RUNX2: variants seen among roughly 807,000 people sequenced by gnomAD.
RUNX2 encodes the protein RUNX family transcription factor 2.
In RUNX2, 10 loss-of-function variants were observed where a neutral mutation model predicts 51.7. The observed-to-expected ratio is 0.19, with a 90% CI of 0.12 to 0.33. RUNX2 has a LOEUF of 0.33. Among genes scored for constraint, RUNX2 ranks in the 10% least tolerant of loss-of-function variants. RUNX2 has a pLI of 1.00. For synonymous variants in RUNX2, 276 were observed against 273.6 expected (o/e 1.01, Z -0.09); for missense variants, 562 against 691.3 (o/e 0.81, Z 2.10).
chr6:45,491,833 G>T, intron 5 of RUNX2, 108 bp from the exon 6 acceptor site: 3 of 1,097,062 alleles, frequency 2.7e-6, no homozygotes, highest in Non-Finnish European at 4.2e-6. Flanking sequence ...TATTAATATT[G>T]ATAATTCCTT....
rs186566379 is a variant in RUNX2, at chr6:45,349,485, G to A, written c.58+20701G>A. Among the ~76,000 whole-genome samples the A allele has an allele frequency of 2.6e-5, 4 of 152,260 alleles. No individual in the cohort carries two copies. In the East Asian group the frequency reaches 5.8e-4, roughly 22 times the overall value. ...GATCACCAACATCAACATCACCTGG[G>A]AATTTATTTGAAAGGCAAATTGCTG... On this transcript the variant is annotated intron_variant, in intron 2 of 8. Transcript: ENST00000647337.
chr6:45,490,155 C>A (rs1800418321), intron 5 of RUNX2, among the ~76,000 whole-genome samples: 1 of 152,188 alleles, frequency 6.6e-6, no homozygotes, highest in Non-Finnish European at 1.5e-5. Context: ...TCAGTCACTT[C>A]ATAGGTGAAC....
intron 2 of RUNX2, chr6:45,421,286 C>G (rs1798179706): frequency 6.6e-6 from 1 of 152,090 alleles, no homozygotes; most frequent in Non-Finnish European, 1.5e-5. Flanking sequence ...AACAAACAAA[C>G]AAACACCTCA....
intron 7 of RUNX2, among the ~76,000 whole-genome samples, chr6:45,536,462 G>A (rs1461172763): frequency 6.6e-6 from 1 of 152,192 alleles, no homozygotes; most frequent in Non-Finnish European, 1.5e-5. Context: ...CCTAGGTCTA[G>A]GGGCATCAGG....
chr6:45,442,813 C>T lies in RUNX2; in HGVS notation c.685+4762C>T, dbSNP rs139863024. On this transcript the variant is annotated intron_variant, in intron 5 of 8. Coordinates refer to ENST00000647337, the MANE Select transcript of RUNX2 (RefSeq NM_001024630.4). Reference sequence around the variant, plus strand: ...TAGTGGCTGGTGCTGGAACATCCCACATGCTTCATTTATGTGTCTGATGCC... The same window carrying T: ...TAGTGGCTGGTGCTGGAACATCCCATATGCTTCATTTATGTGTCTGATGCC... Among the ~76,000 whole-genome samples the T allele has an allele frequency of 6.3e-3, 966 of 152,232 alleles. 6 individuals are homozygous for T. The highest frequency in any genetic ancestry group is 0.022 in the African/African-American group (900 of 41,556).
chr6:45,334,215 A>C (rs1788082888), intron 2 of RUNX2, among the ~76,000 whole-genome samples: 1 of 151,204 alleles, frequency 6.6e-6, no homozygotes, highest in Non-Finnish European at 1.5e-5. Context: ...AAGTCAAATA[A>C]GGTAATTTTA....
At chr6:45,481,073 G>A (rs1008785478) in intron 5 of RUNX2, among the ~76,000 whole-genome samples, 11 of 152,122 alleles carry the variant, frequency 7.2e-5, no homozygotes, top group Non-Finnish European at 1.5e-5. Context: ...GTTTCTTTTT[G>A]CTTAAAACAC....
intron 2 of RUNX2, among the ~76,000 whole-genome samples, chr6:45,348,633 C>A (rs1420020191): frequency 6.7e-6 from 1 of 150,164 alleles, no homozygotes; most frequent in African/African-American, 2.5e-5. Flanking sequence ...CAAGATCCCA[C>A]CACTGCACTC....
intron 5 of RUNX2, among the ~76,000 whole-genome samples, chr6:45,491,455 G>C (rs984064211): frequency 5.9e-5 from 9 of 152,078 alleles, no homozygotes; most frequent in Admixed American, 2.0e-4. Context: ...TTAAAGAAAA[G>C]TCACTATGGT....
At chr6:45,388,162 G>T (rs1797394964) in intron 2 of RUNX2, among the ~76,000 whole-genome samples, 1 of 152,116 alleles carries the variant, frequency 6.6e-6, no homozygotes, top group Non-Finnish European at 1.5e-5. Context: ...CTAGAAAAGA[G>T]CCCAGAAAGT....
intron 5 of RUNX2, among the ~76,000 whole-genome samples, chr6:45,446,005 A>G (rs995194232): frequency 6.6e-6 from 1 of 152,212 alleles, no homozygotes; most frequent in Admixed American, 6.5e-5. Context: ...GTGTTGTGCA[A>G]CATTCTGTGG....
At chr6:45,517,701 G>A (rs372824092) in intron 7 of RUNX2, among the ~76,000 whole-genome samples, 7 of 151,808 alleles carry the variant, frequency 4.6e-5, no homozygotes, top group African/African-American at 1.2e-4. Flanking sequence ...GACTTTCGGT[G>A]GCTAAACTAT....
At position 45,361,337 on chromosome 6, in the gene RUNX2, G is replaced by A. The variant is rs551078560; in HGVS notation, c.58+32553G>A. 7.2e-5 allele frequency among the ~76,000 whole-genome samples: 11 copies of A among 152,088 alleles called. No homozygotes were observed. In the South Asian group the frequency reaches 1.2e-3, roughly 17 times the overall value. ...AAAACTCCCAATTTTTAAAAACGTGGTGACATTATAATTACTAAGCACTAC... is the reference window on the plus strand; with the variant it reads ...AAAACTCCCAATTTTTAAAAACGTGATGACATTATAATTACTAAGCACTAC... On this transcript the variant is annotated intron_variant, in intron 2 of 8. Coordinates refer to ENST00000647337, the MANE Select transcript of RUNX2 (RefSeq NM_001024630.4).
chr6:45,464,825 T>G (rs1374263413), intron 5 of RUNX2, among the ~76,000 whole-genome samples: 9 of 152,232 alleles, frequency 5.9e-5, no homozygotes, highest in Non-Finnish European at 1.3e-4. Flanking sequence ...TTAAGCTTTT[T>G]AAAGTTGTCT....
intron 5 of RUNX2, among the ~76,000 whole-genome samples, chr6:45,454,152 T>G (rs1481020927): frequency 1.3e-5 from 2 of 152,134 alleles, no homozygotes; most frequent in Admixed American, 6.5e-5. Context: ...AGCCCAGTGG[T>G]AGCATTTGAA....
At chr6:45,463,326 TA>T (rs1799527882) in intron 5 of RUNX2, among the ~76,000 whole-genome samples, 1 of 152,230 alleles carries the variant, frequency 6.6e-6, no homozygotes. Context: ...TCAGGCATAT[TA>T]AAAACAGAAT....
intron 5 of RUNX2, among the ~76,000 whole-genome samples, chr6:45,478,471 T>C (rs1413125993): frequency 6.6e-6 from 1 of 152,210 alleles, no homozygotes; most frequent in African/African-American, 2.4e-5. Context: ...ATGATAGATA[T>C]TTGCCTACAG....
At chr6:45,431,745 C>T (rs1582105076) in intron 3 of RUNX2, 118 bp from the exon 4 acceptor site, 1 of 1,177,048 alleles carries the variant, frequency 8.5e-7, no homozygotes, top group Non-Finnish European at 1.3e-6. Flanking sequence ...TCGGCCATTA[C>T]TGGACTGGAC....
chr6:45,479,134 G>A (rs1800040003), intron 5 of RUNX2, among the ~76,000 whole-genome samples: 1 of 152,184 alleles, frequency 6.6e-6, no homozygotes, highest in African/African-American at 2.4e-5. Context: ...CATCCTCTGA[G>A]CAGAAAGAAT....
Sources: allele counts gnomAD v4.1 joint callset (sites outside exome capture counted in the v4.1 genomes callset), GRCh38; gene constraint gnomAD v4.1.1; transcripts MANE v1.5; gene names NCBI Gene and HGNC (gene_info 2026-07-23, HGNC 2026-07-21).